CD226: variants seen among roughly 807,000 people sequenced by gnomAD.
CD226 encodes CD226 molecule.
CD226 carries 24 observed loss-of-function variants against 34.9 expected under a neutral mutation model. That is an observed-to-expected ratio of 0.69 (90% CI 0.50 to 0.97). The LOEUF is 0.97. Ranked by LOEUF, CD226 falls within the 50% of genes least tolerant of loss-of-function variation. The probability of loss-of-function intolerance (pLI) is 0.00; values close to 1 mark genes in which losing one functional copy is unlikely to be tolerated. For missense variants in CD226, 397 were observed against 412.7 expected, an observed-to-expected ratio of 0.96 and a Z score of 0.33; for synonymous variants, 148 against 147.4, an observed-to-expected ratio of 1.00 and a Z score of -0.03.
At position 69,857,978 on chromosome 18, in the gene CD226, A is replaced by G. The variant is rs1226985037; in HGVS notation, c.*6336T>C. 3 of 152,226 alleles carry G rather than the reference A, an allele frequency of 2.0e-5. No individual in the cohort carries two copies. The highest frequency in any genetic ancestry group is 2.9e-5 in the Non-Finnish European group (2 of 68,030). 9.4% of individuals were successfully genotyped at this position (152,226 alleles called of 1,614,324 possible). A position where few individuals can be genotyped will look rare whatever the true frequency, so the allele number is the denominator to read the frequency against. ...CTTGTAAAGGTATACCTGTGTCTAG[A>G]CATAAGTTGCAGGTTTAAAAATCAA... On this transcript the variant is annotated 3_prime_UTR_variant, in exon 6 of 6. Transcript: ENST00000582621.
At chr18:69,880,457 C>G (rs752802723) in intron 3 of CD226, among the ~76,000 whole-genome samples, 6 of 151,616 alleles carry the variant, frequency 4.0e-5, no homozygotes, top group Non-Finnish European at 7.4e-5. Context: ...AAGAGAGAAC[C>G]CTCGCACACT....
At chr18:69,882,523 G>T (rs1984324498) in intron 3 of CD226, among the ~76,000 whole-genome samples, 1 of 152,152 alleles carries the variant, frequency 6.6e-6, no homozygotes, top group Non-Finnish European at 1.5e-5. Context: ...TCTTCAAATT[G>T]ACACATTTAT....
At chr18:69,952,009 G>C (rs1394525623), upstream of CD226, among the ~76,000 whole-genome samples, 2 of 152,120 alleles carry the variant, frequency 1.3e-5, no homozygotes, top group African/African-American at 4.8e-5. Context: ...CAATAACCAA[G>C]ATATGGAATC....
intron 3 of CD226, among the ~76,000 whole-genome samples, chr18:69,891,758 G>A (rs996142399): frequency 6.6e-6 from 1 of 152,108 alleles, no homozygotes; most frequent in Non-Finnish European, 1.5e-5. Flanking sequence ...AAGGAATAAA[G>A]TATTTAAGAA....
intron 2 of CD226, among the ~76,000 whole-genome samples, chr18:69,920,523 C>T (rs2055438406): frequency 6.6e-6 from 1 of 152,120 alleles, no homozygotes; most frequent in African/African-American, 2.4e-5. Context: ...AAATTCATTC[C>T]TCTGTATTTT....
At chr18:69,913,654 G>A (rs2055352711) in intron 2 of CD226, among the ~76,000 whole-genome samples, 1 of 152,170 alleles carries the variant, frequency 6.6e-6, no homozygotes, top group African/African-American at 2.4e-5. Flanking sequence ...CAAGCGTGGG[G>A]TAAGTTGGTG....
chr18:69,921,043 C>G (rs553790776), intron 2 of CD226, among the ~76,000 whole-genome samples: 13 of 152,118 alleles, frequency 8.5e-5, no homozygotes, highest in Non-Finnish European at 7.3e-5. Flanking sequence ...TTCTTCATGC[C>G]GAGGCAATGA....
chr18:69,907,577 T>G (rs2055271562), intron 2 of CD226, among the ~76,000 whole-genome samples: 1 of 152,202 alleles, frequency 6.6e-6, no homozygotes, highest in African/African-American at 2.4e-5. Context: ...CCCAAAGTGC[T>G]GGGATTACAG....
At chr18:69,937,251 T>C (rs1461825930) in intron 2 of CD226, among the ~76,000 whole-genome samples, 1 of 152,202 alleles carries the variant, frequency 6.6e-6, no homozygotes, top group Non-Finnish European at 1.5e-5. Flanking sequence ...GTTTTTGGTG[T>C]TTTGTTGTTG....
chr18:69,887,778 A>C (rs1984648272), intron 3 of CD226, among the ~76,000 whole-genome samples: 3 of 152,246 alleles, frequency 2.0e-5, no homozygotes, highest in South Asian at 4.1e-4. Context: ...AAAGTTAAAA[A>C]CATTGAATTA....
chr18:69,927,055 T>C (rs545940128), intron 2 of CD226, among the ~76,000 whole-genome samples: 3 of 152,282 alleles, frequency 2.0e-5, no homozygotes, highest in East Asian at 1.9e-4. Flanking sequence ...CTAATCCCCA[T>C]TGTGGTGGTA....
At chr18:69,897,991 A>AT (rs757514224) in intron 2 of CD226, among the ~76,000 whole-genome samples, 2 of 152,190 alleles carry the variant, frequency 1.3e-5, no homozygotes, top group African/African-American at 2.4e-5. Flanking sequence ...TCTCTAAGTA[A>AT]TAAAGCAACA....
At chr18:69,953,635 G>A (rs908060076) in intron 1 of CD226, among the ~76,000 whole-genome samples, 4 of 152,112 alleles carry the variant, frequency 2.6e-5, no homozygotes, top group African/African-American at 9.7e-5. Context: ...AAAATGTTTT[G>A]GAATCTGATA....
At position 69,864,239 on chromosome 18, in the gene CD226, T is replaced by A. The variant is rs1982989137; in HGVS notation, c.*75A>T. On this transcript the variant is annotated 3_prime_UTR_variant, in exon 6 of 6. Coordinates refer to ENST00000582621, the MANE Select transcript of CD226 (RefSeq NM_001303618.2). Reference sequence around the variant, plus strand: ...AGTATCTAAGGTAGACCTTGGGTAGTGGAAAAAAATTGCATAAAGATCCAT... The same window carrying A: ...AGTATCTAAGGTAGACCTTGGGTAGAGGAAAAAAATTGCATAAAGATCCAT... 3.5e-6 allele frequency: 5 copies of A among 1,432,850 alleles called. No individual in the cohort carries two copies. Among genetic ancestry groups the A allele is most frequent in the Non-Finnish European group, 4.9e-6 (5 of 1,029,622 alleles). 88.8% of individuals were successfully genotyped at this position (1,432,850 alleles called of 1,614,324 possible). A position where few individuals can be genotyped will look rare whatever the true frequency, so the allele number is the denominator to read the frequency against.
intron 2 of CD226, among the ~76,000 whole-genome samples, chr18:69,928,540 G>A (rs2055551541): frequency 6.6e-6 from 1 of 152,140 alleles, no homozygotes; most frequent in Admixed American, 6.5e-5. Context: ...TTAGGGGTGG[G>A]ACAATGTTTC....
chr18:69,946,380 A>AATG (rs529864451), intron 2 of CD226, among the ~76,000 whole-genome samples: 1,875 of 152,212 alleles, frequency 0.012, 23 homozygotes, highest in South Asian at 0.037. Context: ...AGCAGAAGGG[A>AATG]ATGGTGCTAT....
At chr18:69,918,177 G>A (rs1203148890) in intron 2 of CD226, among the ~76,000 whole-genome samples, 1 of 152,206 alleles carries the variant, frequency 6.6e-6, no homozygotes, top group African/African-American at 2.4e-5. Flanking sequence ...CCCTGAAAGA[G>A]CTTACAAAAA....
chr18:69,928,357 T>C (rs529345904), intron 2 of CD226, among the ~76,000 whole-genome samples: 3 of 152,256 alleles, frequency 2.0e-5, no homozygotes, highest in South Asian at 2.1e-4. Context: ...CCCAACATTA[T>C]TGGGATCATG....
Position 69,861,581 on chromosome 18 carries a change from T to TATATA in CD226, c.*2732_*2733insTATAT, listed in dbSNP as rs1437487326. On this transcript the variant is annotated 3_prime_UTR_variant, in exon 6 of 6. Coordinates refer to ENST00000582621, the MANE Select transcript of CD226 (RefSeq NM_001303618.2). ...ATATATATATATATATATGTAAAAC[T>TATATA]TAAGAAGCATTTTGCTTCCAAAGCA... The TATATA allele has an allele frequency of 6.9e-6, 1 of 145,026 alleles. No homozygotes were observed. The highest frequency in any genetic ancestry group is 1.5e-5 in the Non-Finnish European group (1 of 65,910). The allele number at this position is 145,026 out of a possible 1,614,324, so 9.0% of individuals were successfully genotyped here.
Sources: gnomAD v4.1 joint callset for allele counts (sites outside exome capture counted in the v4.1 genomes callset) on GRCh38, gnomAD v4.1.1 for gene constraint, MANE v1.5 for transcripts, NCBI Gene and HGNC (gene_info 2026-07-23, HGNC 2026-07-21) for gene names.